The following TCF4 variants were observed in gnomAD, a reference collection of about 807,000 sequenced individuals.
TCF4 encodes SL3-3 enhancer factor 2.
TCF4 carries 3 observed loss-of-function variants against 82.1 expected under a neutral mutation model. That is an observed-to-expected ratio of 0.04 (90% CI 0.02 to 0.09). The LOEUF is 0.09. Among genes scored for constraint, TCF4 ranks in the 10% least tolerant of loss-of-function variants. The pLI, the probability that TCF4 is intolerant of heterozygous loss-of-function variation, is 1.00. For missense variants in TCF4, 518 were observed against 852.7 expected, an observed-to-expected ratio of 0.61 and a Z score of 4.89; for synonymous variants, 276 against 309.6, an observed-to-expected ratio of 0.89 and a Z score of 1.14.
intron 3 of TCF4, among the ~76,000 whole-genome samples, chr18:55,580,269 G>A (rs1309171110): frequency 6.6e-6 from 1 of 151,964 alleles, no homozygotes; most frequent in Admixed American, 6.6e-5. Flanking sequence ...AGATAGAATT[G>A]AGGGTATTGT....
intron 8 of TCF4, among the ~76,000 whole-genome samples, chr18:55,336,527 G>A (rs904628025): frequency 1.3e-5 from 2 of 152,010 alleles, no homozygotes; most frequent in Admixed American, 6.6e-5. Flanking sequence ...AAAGGCAATC[G>A]AGTAATTTCA....
At chr18:55,251,275 G>C (rs1174919864) in intron 15 of TCF4, among the ~76,000 whole-genome samples, 1 of 151,892 alleles carries the variant, frequency 6.6e-6, no homozygotes, top group African/African-American at 2.4e-5. Flanking sequence ...CAGAGAGCTT[G>C]CAAGTATACA....
intron 3 of TCF4, among the ~76,000 whole-genome samples, chr18:55,483,704 TA>T (rs1451688271): frequency 6.6e-6 from 1 of 152,248 alleles, no homozygotes; most frequent in Non-Finnish European, 1.5e-5. Context: ...AAACAACTGT[TA>T]CCTCTACAGT....
At chr18:55,520,676 T>C (rs929920763) in intron 3 of TCF4, among the ~76,000 whole-genome samples, 1 of 152,188 alleles carries the variant, frequency 6.6e-6, no homozygotes, top group Non-Finnish European at 1.5e-5. Flanking sequence ...ACACACGGCT[T>C]TATTTATGAG....
Position 55,479,333 on chromosome 18 carries a change from G to A in TCF4, c.146-15196C>T. 1.2e-4 allele frequency: 18 copies of A among 154,282 alleles called. 1 individual carries two copies. The Middle Eastern group carries it at 8.8e-3, about 76-fold the overall frequency. 9.6% of individuals were successfully genotyped at this position (154,282 alleles called of 1,614,324 possible). Reference sequence around the variant, plus strand: ...ATATGTGGCTCATGCTCAACCTCTGGAAGACACTGGATTTTATCAAATACC... The same window carrying A: ...ATATGTGGCTCATGCTCAACCTCTGAAAGACACTGGATTTTATCAAATACC... On this transcript the variant is annotated intron_variant, in intron 3 of 19. Transcript: ENST00000354452.
chr18:55,446,434 T>C lies in TCF4; in HGVS notation c.304+14585A>G, dbSNP rs577063757. Among the ~76,000 whole-genome samples the C allele has an allele frequency of 2.0e-5, 3 of 152,304 alleles. 1 individual carries two copies. Among genetic ancestry groups the C allele is most frequent in the African/African-American group, 7.2e-5 (3 of 41,566 alleles). On this transcript the variant is annotated intron_variant, in intron 5 of 19. Coordinates refer to ENST00000354452, the MANE Select transcript of TCF4 (RefSeq NM_001083962.2). ...CTATTCCACCTCTGGGAATTCTTTCTAAATTCTCTACAAAGGAGGCAATGC... is the reference window on the plus strand; with the variant it reads ...CTATTCCACCTCTGGGAATTCTTTCCAAATTCTCTACAAAGGAGGCAATGC...
At chr18:55,572,682 CAGG>C (rs1321846211) in intron 3 of TCF4, among the ~76,000 whole-genome samples, 1 of 152,182 alleles carries the variant, frequency 6.6e-6, no homozygotes, top group Admixed American at 6.5e-5. Flanking sequence ...TGACCACAGG[CAGG>C]AGAAGTGAAT....
At chr18:55,285,753 C>G (rs958783291) in intron 8 of TCF4, among the ~76,000 whole-genome samples, 1 of 152,216 alleles carries the variant, frequency 6.6e-6, no homozygotes, top group Non-Finnish European at 1.5e-5. Flanking sequence ...GGACAGCTAT[C>G]ACAGTAAGCC....
At chr18:55,442,557 G>C (rs963794304) in intron 5 of TCF4, among the ~76,000 whole-genome samples, 3 of 152,182 alleles carry the variant, frequency 2.0e-5, no homozygotes, top group Non-Finnish European at 2.9e-5. Context: ...GCTCTTCTGA[G>C]ACATAGCATT....
intron 3 of TCF4, among the ~76,000 whole-genome samples, chr18:55,504,158 C>T (rs1456519945): frequency 1.3e-5 from 2 of 152,218 alleles, no homozygotes; most frequent in African/African-American, 2.4e-5. Flanking sequence ...ACTTACTGAT[C>T]ATCTATCAGG....
intron 5 of TCF4, among the ~76,000 whole-genome samples, chr18:55,411,536 T>C (rs1483737351): frequency 1.3e-5 from 2 of 152,184 alleles, no homozygotes; most frequent in East Asian, 3.8e-4. Flanking sequence ...AAATAAAATA[T>C]TTTCACTATG....
chr18:55,472,919 G>C (rs2096216625), intron 3 of TCF4, among the ~76,000 whole-genome samples: 1 of 152,102 alleles, frequency 6.6e-6, no homozygotes, highest in African/African-American at 2.4e-5. Context: ...AGATACTTTA[G>C]AAAACAAAGT....
intron 2 of TCF4, among the ~76,000 whole-genome samples, chr18:55,611,208 T>C (rs2097706694): frequency 6.6e-6 from 1 of 152,158 alleles, no homozygotes; most frequent in Non-Finnish European, 1.5e-5. Flanking sequence ...GCTGGCTCCA[T>C]CTTACATGAC....
intron 3 of TCF4, among the ~76,000 whole-genome samples, chr18:55,570,056 C>A (rs1374136379): frequency 1.3e-5 from 2 of 151,922 alleles, no homozygotes; most frequent in Non-Finnish European, 2.9e-5. Context: ...GGCAAGGTAG[C>A]CAAACTAACC....
intron 3 of TCF4, among the ~76,000 whole-genome samples, chr18:55,536,839 T>C (rs1196486616): frequency 6.6e-6 from 1 of 152,210 alleles, no homozygotes; most frequent in East Asian, 1.9e-4. Flanking sequence ...CTTTTAAAAG[T>C]ACTTCCAGTT....
intron 6 of TCF4, among the ~76,000 whole-genome samples, chr18:55,387,555 G>A (rs1419326734): frequency 1.3e-5 from 2 of 152,224 alleles, no homozygotes; most frequent in African/African-American, 4.8e-5. Flanking sequence ...AGGGTAAACA[G>A]TGTTATCAGT....
chr18:55,460,074 G>C (rs1195848415), intron 5 of TCF4, among the ~76,000 whole-genome samples: 2 of 152,140 alleles, frequency 1.3e-5, no homozygotes, highest in African/African-American at 4.8e-5. Flanking sequence ...ACATTCTTTA[G>C]AAGCATTTGC....
intron 2 of TCF4, among the ~76,000 whole-genome samples, chr18:55,626,320 A>T (rs2097726498): frequency 6.6e-6 from 1 of 152,174 alleles, no homozygotes; most frequent in South Asian, 2.1e-4. Flanking sequence ...TTATTAGATC[A>T]TATTTTCCAT....
chr18:55,407,854 AT>A (rs1370817240), intron 5 of TCF4, among the ~76,000 whole-genome samples: 1 of 152,120 alleles, frequency 6.6e-6, no homozygotes, highest in African/African-American at 2.4e-5. Context: ...CATCCATGGT[AT>A]CCTATTGTAA....
Sources: gnomAD v4.1 joint callset for allele counts (sites outside exome capture counted in the v4.1 genomes callset) on GRCh38, gnomAD v4.1.1 for gene constraint, MANE v1.5 for transcripts, NCBI Gene and HGNC (gene_info 2026-07-23, HGNC 2026-07-21) for gene names.